Variants in ZNF800 observed in about 807,000 individuals in gnomAD.
The protein encoded by ZNF800 is zinc finger protein 800.
A neutral mutation model predicts 59.5 loss-of-function variants in ZNF800; 13 were observed. That is an observed-to-expected ratio of 0.22 (90% CI 0.14 to 0.35). The LOEUF is 0.35. Among genes scored for constraint, ZNF800 ranks in the 10% least tolerant of loss-of-function variants. The probability of loss-of-function intolerance (pLI) is 1.00; values close to 1 mark genes in which losing one functional copy is unlikely to be tolerated. For synonymous variants in ZNF800, 266 were observed against 265.7 expected (o/e 1.00, Z -0.01); for missense variants, 621 against 783.7 (o/e 0.79, Z 2.48).
chr7:127,390,188 G>C (rs1441285820), intron 2 of ZNF800, among the ~76,000 whole-genome samples: 2 of 151,752 alleles, frequency 1.3e-5, no homozygotes, highest in Non-Finnish European at 2.9e-5. Flanking sequence ...AAAAAAACTA[G>C]ACTAAAAGGT....
chr7:127,346,847 C>A (rs1800074279), exon 2 of ZNF800: 1 of 152,546 alleles, frequency 6.6e-6, no homozygotes, highest in African/African-American at 2.4e-5. Flanking sequence ...GGGAACTGGG[C>A]CCAAGAGCCT....
intron 3 of ZNF800, among the ~76,000 whole-genome samples, chr7:127,378,858 T>C (rs1800868473): frequency 6.6e-6 from 1 of 152,148 alleles, no homozygotes; most frequent in African/African-American, 2.4e-5. Context: ...TATCTACTTG[T>C]GTGACCTTAA....
chr7:127,343,053 T>G (rs138814837), downstream of ZNF800, among the ~76,000 whole-genome samples: 10 of 152,198 alleles, frequency 6.6e-5, no homozygotes, highest in African/African-American at 2.4e-4. Flanking sequence ...ATTAAGAGAC[T>G]ACATACCAAA....
At chr7:127,354,696 ATGT>A (rs1800234189) in intron 1 of ZNF800, among the ~76,000 whole-genome samples, 3 of 152,120 alleles carry the variant, frequency 2.0e-5, no homozygotes, top group Admixed American at 2.0e-4. Context: ...TTTTAAAAAC[ATGT>A]TATTACATAT....
chr7:127,345,295 A>ACC (rs34510825), downstream of ZNF800, among the ~76,000 whole-genome samples: 830 of 140,320 alleles, frequency 5.9e-3, 9 homozygotes, highest in Middle Eastern at 0.021. Context: ...TGGGAAATAG[A>ACC]CCCCCCCCCC....
Position 127,392,202 on chromosome 7 carries a change from C to A in ZNF800, c.-201G>T, listed in dbSNP as rs1047759352. On this transcript the variant is annotated 5_prime_UTR_variant, in exon 1 of 6. Coordinates refer to ENST00000265827, the MANE Select transcript of ZNF800 (RefSeq NM_176814.5). ...CCACGCGGGGGAACCCGGACTCGGG[C>A]CCGACGCGCTCCCAAAGAGTCCCCG... 1 of 394,786 alleles carries A rather than the reference C, an allele frequency of 2.5e-6. No individual in the cohort carries two copies. Among genetic ancestry groups the A allele is most frequent in the Non-Finnish European group, 4.5e-6 (1 of 223,546 alleles). The allele number at this position is 394,786 out of a possible 1,614,324, so 24.5% of individuals were successfully genotyped here.
rs995844699 is a variant in ZNF800 at position 127,373,920 on chromosome 7, G to A, written c.1416C>T (p.Thr472=). The stretch of plus-strand genomic sequence containing the variant: ...AGCCAGCTGAAAGTTTTGGTTTTCT[G>A]GTTTTTTGCTGGCCACCTGCAGCCG... The part of the protein sequence containing the change: ...SPSAAGGQQK[T]RKPKLSAGFD... The change falls in exon 5 of 6, where the codon ACC becomes ACT. Residue 472 remains threonine (T), a synonymous_variant. Transcript: ENST00000265827. The A allele has an allele frequency of 2.5e-6, 4 of 1,614,012 alleles. No individual in the cohort carries two copies. Among genetic ancestry groups the A allele is most frequent in the African/African-American group, 1.3e-5 (1 of 74,924 alleles).
At chr7:127,352,519 T>C (rs1236824676) in intron 1 of ZNF800, among the ~76,000 whole-genome samples, 1 of 152,234 alleles carries the variant, frequency 6.6e-6, no homozygotes. Flanking sequence ...GATGAGTGTG[T>C]TGCACTACCA....
chr7:127,379,860 C>CAA (rs1800917301), intron 3 of ZNF800, among the ~76,000 whole-genome samples: 2 of 73,856 alleles, frequency 2.7e-5, no homozygotes, highest in Admixed American at 1.2e-4. Flanking sequence ...CCACCCCCCC[C>CAA]ACACACACAC....
At chr7:127,352,488 C>T (rs1365563533) in intron 1 of ZNF800, among the ~76,000 whole-genome samples, 1 of 152,218 alleles carries the variant, frequency 6.6e-6, no homozygotes, top group Non-Finnish European at 1.5e-5. Flanking sequence ...GTCTGAGTGG[C>T]AGTTGCATTC....
In ZNF800 at chr7:127,357,839, G is replaced by A. The variant is rs1250003496; in HGVS notation, n.225-9796C>T. ...ATATTACATATTTTATATGGGGGTG[G>A]GGGTAACAGAGAGAGAGAGAGAGAC... On this transcript the variant is annotated intron_variant and non_coding_transcript_variant, in intron 1 of 1. Transcript: ENST00000485577. 2.0e-5 allele frequency among the ~76,000 whole-genome samples: 3 copies of A among 151,620 alleles called. No homozygotes were observed. The East Asian group carries it at 5.8e-4, about 29-fold the overall frequency.
In ZNF800 at chr7:127,374,489, C is replaced by A; in HGVS notation, c.847G>T (p.Val283Phe). The change falls in exon 5 of 6, where the codon GTT (valine) becomes TTT (phenylalanine). Residue 283 changes from valine to phenylalanine, a missense_variant. This residue lies in a region of ZNF800 where 218 missense variants were observed against 230.8 expected (regional missense o/e 0.94). Coordinates refer to ENST00000265827, the MANE Select transcript of ZNF800 (RefSeq NM_176814.5). ...SSKGRSKNVLVPLSRSCPVCC... is the reference protein window; with the variant it reads ...SSKGRSKNVLFPLSRSCPVCC... ...ACTGGACAACTCCTACTTAATGGAA[C>A]TAGAACATTCTTACTGCGTCCTTTA... The A allele has an allele frequency of 6.2e-7, 1 of 1,614,126 alleles. No homozygotes were observed. The highest frequency in any genetic ancestry group is 1.7e-5 in the Admixed American group (1 of 60,010).
exon 2 of ZNF800, chr7:127,346,998 C>G (rs1259580921): frequency 6.6e-6 from 1 of 152,468 alleles, no homozygotes; most frequent in Non-Finnish European, 1.5e-5. Context: ...CGCTCACTGA[C>G]TGGGAGTAGT....
intron 2 of ZNF800, among the ~76,000 whole-genome samples, chr7:127,389,062 T>C (rs901978168): frequency 5.3e-5 from 8 of 152,160 alleles, no homozygotes; most frequent in East Asian, 1.9e-4. Context: ...GAATATAACA[T>C]TGACTTTTGT....
chr7:127,349,404 G>A (rs961647648), intron 1 of ZNF800, among the ~76,000 whole-genome samples: 2 of 152,164 alleles, frequency 1.3e-5, no homozygotes, highest in Non-Finnish European at 2.9e-5. Flanking sequence ...TAACACAGGA[G>A]AGGGGTTCCA....
intron 1 of ZNF800, among the ~76,000 whole-genome samples, chr7:127,358,626 C>G (rs1800326969): frequency 6.6e-6 from 1 of 152,122 alleles, no homozygotes; most frequent in African/African-American, 2.4e-5. Flanking sequence ...TTTCATGTCT[C>G]TGTACCTACA....
intron 2 of ZNF800, 65 bp from the exon 3 acceptor site, chr7:127,386,220 T>C: frequency 2.0e-6 from 2 of 983,878 alleles, no homozygotes; most frequent in East Asian, 2.4e-5. Context: ...TCATTTACTA[T>C]TAAAGTAAAA....
At chr7:127,385,308 C>G (rs1461016827) in intron 3 of ZNF800, among the ~76,000 whole-genome samples, 1 of 152,118 alleles carries the variant, frequency 6.6e-6, no homozygotes, top group Non-Finnish European at 1.5e-5. Context: ...TCTGTAATGT[C>G]AGAGAAGCCA....
intron 1 of ZNF800, chr7:127,361,546 G>A (rs2117050909): frequency 6.6e-6 from 1 of 152,074 alleles, no homozygotes; most frequent in South Asian, 2.1e-4. Flanking sequence ...ATACCACTAT[G>A]TACTTCATCC....
Sources: allele counts gnomAD v4.1 joint callset (sites outside exome capture counted in the v4.1 genomes callset), GRCh38; gene constraint gnomAD v4.1.1; regional missense constraint gnomAD v4.1.1; transcripts MANE v1.5; gene names NCBI Gene and HGNC (gene_info 2026-07-23, HGNC 2026-07-21).